Variants in ARID1A observed in about 807,000 individuals in gnomAD.
ARID1A encodes the protein AT-rich interactive domain-containing protein 1A.
In ARID1A, 20 loss-of-function variants were observed where a neutral mutation model predicts 212.6. The observed-to-expected ratio is 0.09, with a 90% CI of 0.07 to 0.14. The LOEUF is 0.14. ARID1A is among the 10% of genes least tolerant of loss of function. The probability of loss-of-function intolerance (pLI) is 1.00; values close to 1 mark genes in which losing one functional copy is unlikely to be tolerated. For missense variants in ARID1A, 2,587 were observed against 3,059.0 expected, an observed-to-expected ratio of 0.85 and a Z score of 3.64; for synonymous variants, 1,376 against 1,222.1, an observed-to-expected ratio of 1.13 and a Z score of -2.63.
Position 26,780,474 on chromosome 1 carries a change from C to T in ARID1A, c.6576C>T (p.Ile2192=), listed in dbSNP as rs552959783. ...CCATTGCAGTGCAGAAGGGCAGTAT[C>T]GGCAACCTCCTGGGCTTCCTAGAGG... The part of the protein sequence containing the change: ...ARAIAVQKGS[I]GNLLGFLEDS... Residue 2192 remains isoleucine, a synonymous_variant, in exon 20 of 20, where the codon ATC becomes ATT. Transcript: ENST00000324856. This position sits in a 1 kb window ranked among gnomAD's most constrained non-coding sequence, Gnocchi z 7.2. 1.3e-5 allele frequency: 21 copies of T among 1,614,232 alleles called. No homozygotes were observed. The highest frequency in any genetic ancestry group is 1.6e-4 in the Middle Eastern group (1 of 6,062).
intron 4 of ARID1A, among the ~76,000 whole-genome samples, chr1:26,735,114 G>GA (rs1272618479): frequency 6.7e-6 from 1 of 148,752 alleles, no homozygotes; most frequent in African/African-American, 2.5e-5. Flanking sequence ...ATAAAATCCA[G>GA]AATTTTTTTT....
In ARID1A at chr1:26,771,019, C is replaced by A; in HGVS notation, c.3199-100C>A. On this transcript the variant is annotated intron_variant, in intron 11 of 19. Transcript: ENST00000324856. The surrounding 1 kb of genome is among the most constrained non-coding windows in gnomAD (Gnocchi z 5.4). ...TTTCAATTACCTAAGAACTGTGGTT[C>A]TACAAAGATGAATACCTTACAGCCT... 1 of 1,068,738 alleles carries A rather than the reference C, an allele frequency of 9.4e-7. No individual in the cohort carries two copies. The highest frequency in any genetic ancestry group is 2.1e-5 in the Admixed American group (1 of 47,680). 66.2% of individuals were successfully genotyped at this position (1,068,738 alleles called of 1,614,324 possible). A position where few individuals can be genotyped will look rare whatever the true frequency, so the allele number is the denominator to read the frequency against.
rs1308726726 is a variant in ARID1A, at chr1:26,774,868, C to A, written c.4641C>A (p.Ser1547=). The part of the protein sequence containing the change: ...QRANHEGSWP[S]HGTRQPPYGP... ...CCAACCACGAAGGCTCGTGGCCTTC[C>A]CATGGCACACGCCAGCCCCCATATG... The change falls in exon 18 of 20, where the codon TCC becomes TCA. Residue 1547 remains serine, a synonymous_variant. Transcript: ENST00000324856. This position sits in a 1 kb window ranked among gnomAD's most constrained non-coding sequence, Gnocchi z 5.6. The A allele has an allele frequency of 6.2e-7, 1 of 1,600,300 alleles. No homozygotes were observed. Among genetic ancestry groups the A allele is most frequent in the Admixed American group, 1.7e-5 (1 of 59,086 alleles).
At chr1:26,758,869 A>G (rs2080965132) in intron 4 of ARID1A, among the ~76,000 whole-genome samples, 1 of 152,218 alleles carries the variant, frequency 6.6e-6, no homozygotes, top group African/African-American at 2.4e-5. Context: ...CTGACTTCTC[A>G]GCTAACATGG....
intron 8 of ARID1A, among the ~76,000 whole-genome samples, chr1:26,763,520 C>A (rs1331815186): frequency 6.6e-6 from 1 of 152,184 alleles, no homozygotes; most frequent in Non-Finnish European, 1.5e-5. Flanking sequence ...TGCCTGTAAT[C>A]CTAGCACTTT....
chr1:26,713,650 C>T (rs1395443988), intron 1 of ARID1A, among the ~76,000 whole-genome samples: 2 of 152,058 alleles, frequency 1.3e-5, no homozygotes, highest in African/African-American at 4.8e-5. Context: ...GTGCGCCCAG[C>T]CTGTGAAGAT....
intron 1 of ARID1A, among the ~76,000 whole-genome samples, chr1:26,718,345 A>C (rs772755916): frequency 7.2e-5 from 11 of 152,168 alleles, no homozygotes; most frequent in Non-Finnish European, 1.3e-4. Flanking sequence ...TTGATAAGGA[A>C]ACAGAGACAA....
At chr1:26,702,773 T>C (rs6598861) in intron 1 of ARID1A, among the ~76,000 whole-genome samples, 149,399 of 152,294 alleles carry the variant, frequency 0.98, 73,301 homozygotes, top group East Asian at 1. Flanking sequence ...GCTGCCCTGG[T>C]AGTGAAACCT....
In ARID1A at chr1:26,766,499, A is replaced by T. The variant is rs2124081618; in HGVS notation, c.2921A>T (p.Lys974Met). Residue 974 changes from lysine (K) to methionine (M), a missense_variant, in exon 10 of 20, where the codon AAG (lysine) becomes ATG (methionine). Lys to Met is a moderately conservative substitution (Grantham distance 95). This residue lies in a region of ARID1A where 674 missense variants were observed against 813.4 expected (regional missense o/e 0.83). Transcript: ENST00000324856. ...GAGATGATGGGCCTTGGGGATGTAA[A>T]GTTAACTCCAGCCACCAAAATGAAC... is the stretch of plus-strand genomic sequence containing the variant. ...SPEMMGLGDV[K>M]LTPATKMNNK... is the part of the protein sequence containing the mutation. The T allele has an allele frequency of 6.2e-7, 1 of 1,614,126 alleles. No homozygotes were observed. Among genetic ancestry groups the T allele is most frequent in the Non-Finnish European group, 8.5e-7 (1 of 1,180,016 alleles).
chr1:26,729,339 C>G (rs2080650067), intron 1 of ARID1A: 1 of 388,168 alleles, frequency 2.6e-6, no homozygotes, highest in African/African-American at 2.0e-5. Context: ...GCACCGTCCT[C>G]TACCAACTGA....
chr1:26,776,482 C>T (rs1427237733), intron 19 of ARID1A, among the ~76,000 whole-genome samples: 1 of 151,766 alleles, frequency 6.6e-6, no homozygotes, highest in East Asian at 1.9e-4. Flanking sequence ...ACCGTGTTAG[C>T]CAGGATGGTC....
At chr1:26,734,393 T>C (rs544640258) in intron 4 of ARID1A, among the ~76,000 whole-genome samples, 32 of 149,334 alleles carry the variant, frequency 2.1e-4, no homozygotes, top group African/African-American at 7.1e-4. Flanking sequence ...CCAGAGATGC[T>C]ACATGCCTTG....
intron 1 of ARID1A, among the ~76,000 whole-genome samples, chr1:26,724,790 A>G (rs906112406): frequency 5.1e-4 from 78 of 152,248 alleles, no homozygotes; most frequent in Admixed American, 1.4e-3. Context: ...TCCCTATGCA[A>G]GGGGTCTGTC....
intron 1 of ARID1A, among the ~76,000 whole-genome samples, chr1:26,706,663 C>G (rs1281312733): frequency 6.6e-6 from 1 of 152,180 alleles, no homozygotes; most frequent in Non-Finnish European, 1.5e-5. Context: ...TTGGGCTCTT[C>G]TTGCCCAGTG....
Position 26,696,031 on chromosome 1 carries a change from C to T in ARID1A, c.-373C>T. Reference sequence around the variant, plus strand: ...CCCTCCCTCCTCCTTTCTCCGGCAGCAGAAAGCGGAGAGTCACAGCGGGGC... The same window carrying T: ...CCCTCCCTCCTCCTTTCTCCGGCAGTAGAAAGCGGAGAGTCACAGCGGGGC... On this transcript the variant is annotated 5_prime_UTR_variant, in exon 1 of 20. Transcript: ENST00000324856. The T allele has an allele frequency of 1.2e-6, 1 of 818,726 alleles. No individual in the cohort carries two copies. The highest frequency in any genetic ancestry group is 1.5e-6 in the Non-Finnish European group (1 of 672,148). The allele number at this position is 818,726 out of a possible 1,614,324, so 50.7% of individuals were successfully genotyped here.
intron 4 of ARID1A, among the ~76,000 whole-genome samples, chr1:26,738,521 A>G (rs2080755983): frequency 6.6e-6 from 1 of 152,160 alleles, no homozygotes; most frequent in African/African-American, 2.4e-5. Flanking sequence ...CCTGAGCAGC[A>G]TCCATTATAG....
rs189592581 is a variant in ARID1A at position 26,770,793 on chromosome 1, G to C, written c.3199-326G>C. 21 of 274,366 alleles carry C rather than the reference G, an allele frequency of 7.7e-5. No individual in the cohort carries two copies. The East Asian group carries it at 9.1e-4, about 12-fold the overall frequency. 17.0% of individuals were successfully genotyped at this position (274,366 alleles called of 1,614,324 possible). A position where few individuals can be genotyped will look rare whatever the true frequency, so the allele number is the denominator to read the frequency against. ...AAATAAATAAATAAAATAGGATTTAGATATCCAGATGATTTGTACACCACT... is the reference window on the plus strand; with the variant it reads ...AAATAAATAAATAAAATAGGATTTACATATCCAGATGATTTGTACACCACT... On this transcript the variant is annotated intron_variant, in intron 11 of 19. Transcript: ENST00000324856.
intron 4 of ARID1A, among the ~76,000 whole-genome samples, chr1:26,742,431 C>T (rs1196764916): frequency 2.0e-5 from 3 of 152,180 alleles, no homozygotes; most frequent in African/African-American, 4.8e-5. Context: ...TGTTCTGTGT[C>T]TGTCTTCTTA....
chr1:26,774,643 C>T lies in ARID1A; in HGVS notation c.4416C>T (p.Ala1472=), dbSNP rs2124119263. The T allele has an allele frequency of 6.2e-7, 1 of 1,614,214 alleles. No individual in the cohort carries two copies. The highest frequency in any genetic ancestry group is 8.5e-7 in the Non-Finnish European group (1 of 1,180,034). ...TCTCTGCACCCCCTGGCACCAATGC[C>T]CAGCAAAACATGCCACCACAAATGA... ...DRVSAPPGTN[A]QQNMPPQMMG... Residue 1472 remains alanine, a synonymous_variant, in exon 18 of 20, where the codon GCC becomes GCT. Coordinates refer to ENST00000324856, the MANE Select transcript of ARID1A (RefSeq NM_006015.6). The surrounding 1 kb of genome is among the most constrained non-coding windows in gnomAD (Gnocchi z 5.6).
Sources: gnomAD v4.1 joint callset for allele counts (sites outside exome capture counted in the v4.1 genomes callset) on GRCh38, gnomAD v4.1.1 for gene constraint, gnomAD v4.1.1 regional missense constraint, Gnocchi (gnomAD v3.1) non-coding constraint, MANE v1.5 for transcripts, NCBI Gene and HGNC (gene_info 2026-07-23, HGNC 2026-07-21) for gene names.